Variants in DDX52 observed in about 807,000 individuals in gnomAD.
DDX52 encodes the protein DExD-box helicase 52.
DDX52 carries 59 observed loss-of-function variants against 76.1 expected under a neutral mutation model. The ratio of observed to expected loss-of-function variants is 0.78; its 90% CI spans 0.63 to 0.96. The LOEUF (loss-of-function observed/expected upper bound fraction) is 0.96, where lower values mean the gene tolerates loss of function less well. Ranked by LOEUF, DDX52 falls within the 40% of genes least tolerant of loss-of-function variation. DDX52 has a pLI of 0.00. For missense variants in DDX52, 707 were observed against 703.9 expected (o/e 1.00, Z -0.05); for synonymous variants, 231 against 244.1 (o/e 0.95, Z 0.50).
intron 4 of DDX52, chr17:37,631,084 AAGGACT>A (rs933475702): frequency 6.6e-6 from 1 of 152,280 alleles, no homozygotes; most frequent in Non-Finnish European, 1.5e-5. Context: ...AGAAAATGAA[AAGGACT>A]AGTATAGAGA....
intron 9 of DDX52, among the ~76,000 whole-genome samples, chr17:37,622,176 T>TC (rs2030133773): frequency 6.6e-6 from 1 of 151,876 alleles, no homozygotes; most frequent in Admixed American, 6.6e-5. Context: ...ATTTTTTTTT[T>TC]ACTACATCTG....
intron 14 of DDX52, among the ~76,000 whole-genome samples, chr17:37,617,967 T>C (rs925395950): frequency 2.6e-5 from 4 of 151,236 alleles, no homozygotes; most frequent in Non-Finnish European, 4.4e-5. Context: ...AAAAAAAAAA[T>C]AGCTGGGTGT....
intron 2 of DDX52, 62 bp downstream of exon 2, chr17:37,642,048 G>C (rs371853306): frequency 8.8e-6 from 14 of 1,594,436 alleles, no homozygotes; most frequent in Middle Eastern, 3.3e-4. Context: ...CCATAAGCCT[G>C]TATTATTTTT....
At chr17:37,624,459 TTTGTAAG>T (rs759323970) in intron 8 of DDX52, 25 bp from the exon 9 acceptor site, 141 of 1,529,826 alleles carry the variant, frequency 9.2e-5, no homozygotes, top group Middle Eastern at 5.3e-4. Context: ...TACCTTGTAG[TTTGTAAG>T]AGTTAATTTT....
In DDX52 at chr17:37,622,166, A is replaced by ATT. The variant is rs1018717168; in HGVS notation, c.1228-648_1228-647dup. The stretch of plus-strand genomic sequence containing the variant: ...TCTCTACTACTATCTCTAAGTAAAC[A>ATT]TTTTTTTTTTACTACATCTGATGTC... On this transcript the variant is annotated intron_variant, in intron 9 of 14. Transcript: ENST00000617633. 9.3e-3 allele frequency among the ~76,000 whole-genome samples: 1,396 copies of ATT among 150,568 alleles called. 14 individuals are homozygous for ATT. The highest frequency in any genetic ancestry group is 0.026 in the African/African-American group (1,084 of 41,218).
intron 2 of DDX52, among the ~76,000 whole-genome samples, chr17:37,639,273 A>G (rs1598770197): frequency 1.3e-5 from 2 of 152,338 alleles, no homozygotes; most frequent in African/African-American, 4.8e-5. Flanking sequence ...ATAAGGGTAC[A>G]ACGTACACGA....
At chr17:37,641,379 G>A (rs1470734443) in intron 2 of DDX52, among the ~76,000 whole-genome samples, 2 of 148,142 alleles carry the variant, frequency 1.4e-5, no homozygotes, top group African/African-American at 2.5e-5. Flanking sequence ...CACAGACTGG[G>A]CAACAAAGCG....
At chr17:37,639,318 C>T (rs2031077802) in intron 2 of DDX52, 2 of 847,022 alleles carry the variant, frequency 2.4e-6, no homozygotes, top group African/African-American at 3.7e-5. Flanking sequence ...AAGTCTCATA[C>T]CTTGCTGGAA....
intron 9 of DDX52, among the ~76,000 whole-genome samples, chr17:37,622,450 C>T (rs1160564245): frequency 6.6e-6 from 1 of 151,952 alleles, no homozygotes; most frequent in Non-Finnish European, 1.5e-5. Context: ...TGCACCACCA[C>T]GCCTGGCTAA....
chr17:37,626,361 C>G (rs562358504), intron 7 of DDX52, among the ~76,000 whole-genome samples: 94 of 151,470 alleles, frequency 6.2e-4, no homozygotes, highest in Non-Finnish European at 9.3e-4. Context: ...CATGGGGGCA[C>G]TCTCTCTCTC....
Position 37,616,804 on chromosome 17 carries a change from TATG to T in DDX52, c.1742+1485_1742+1487del, listed in dbSNP as rs144760225. Among the ~76,000 whole-genome samples the T allele has an allele frequency of 1.9e-3, 286 of 152,354 alleles. 1 individual carries two copies. Among genetic ancestry groups the T allele is most frequent in the East Asian group, 0.016 (82 of 5,190 alleles). Reference sequence around the variant, plus strand: ...CTTATCCTTCCCAAGTTATTAAAAGTATGATAAAATTTTGAGACACTATATATA... The same window carrying T: ...CTTATCCTTCCCAAGTTATTAAAAGTATAAAATTTTGAGACACTATATATA... On this transcript the variant is annotated intron_variant, in intron 14 of 14. Coordinates refer to ENST00000617633, the MANE Select transcript of DDX52 (RefSeq NM_007010.5).
rs754705510 is a variant in DDX52 at position 37,621,409 on chromosome 17, T to C, written c.1339A>G (p.Thr447Ala). 9 of 1,612,378 alleles carry C rather than the reference T, an allele frequency of 5.6e-6. No individual in the cohort carries two copies. The highest frequency in any genetic ancestry group is 8.5e-7 in the Non-Finnish European group (1 of 1,179,592). ...ATATTTGACTTTACCTGTTGTTGTG[T>C]TCTCTCTGCATGAATAACATCCACA... ...INVDVIHAERTQQQRDNTVHS... is the reference protein window; with the variant it reads ...INVDVIHAERAQQQRDNTVHS... The change falls in exon 10 of 15, where the codon ACA becomes GCA. Residue 447 changes from threonine (T) to alanine (A), a missense_variant. By Grantham distance (58) the Thr-to-Ala change is moderately conservative. Coordinates refer to ENST00000617633, the MANE Select transcript of DDX52 (RefSeq NM_007010.5).
In DDX52 at chr17:37,612,337, G is replaced by C. The variant is rs998809897; in HGVS notation, c.*1959C>G. ...GACAACCTGCCCGCCTAGGCCTCCCGAAGTGTTAGGATTACAGGCATGAGC... is the reference window on the plus strand; with the variant it reads ...GACAACCTGCCCGCCTAGGCCTCCCCAAGTGTTAGGATTACAGGCATGAGC... On this transcript the variant is annotated 3_prime_UTR_variant, in exon 15 of 15. Transcript: ENST00000617633. 1 of 152,036 alleles carries C rather than the reference G, an allele frequency of 6.6e-6. No homozygotes were observed. The highest frequency in any genetic ancestry group is 1.5e-5 in the Non-Finnish European group (1 of 68,014). The allele number at this position is 152,036 out of a possible 1,614,324, so 9.4% of individuals were successfully genotyped here. A position where few individuals can be genotyped will look rare whatever the true frequency, so the allele number is the denominator to read the frequency against.
rs10661586 is a variant in DDX52 at position 37,629,228 on chromosome 17, T to TACAC, written c.748-560_748-557dup. Among the ~76,000 whole-genome samples, 381 of 133,964 alleles carry TACAC rather than the reference T, an allele frequency of 2.8e-3. 2 individuals are homozygous for TACAC. Among genetic ancestry groups the TACAC allele is most frequent in the Non-Finnish European group, 3.7e-3 (231 of 62,874 alleles). 87.9% of individuals were successfully genotyped at this position (133,964 alleles called of 152,430 possible). A position where few individuals can be genotyped will look rare whatever the true frequency, so the allele number is the denominator to read the frequency against. Reference sequence around the variant, plus strand: ...AGAGCATGACTGTCCCAAGAAAAAATACACACACACACACACACACACACA... The same window carrying TACAC: ...AGAGCATGACTGTCCCAAGAAAAAATACACACACACACACACACACACACACACA... On this transcript the variant is annotated intron_variant, in intron 5 of 14. Transcript: ENST00000617633.
At position 37,618,347 on chromosome 17, in the gene DDX52, T is replaced by A. The variant is rs759056942; in HGVS notation, c.1687A>T (p.Arg563Trp). ...TTTGGAGTTGTACTAATGCTCTCCC[T>A]TTCCAATGGTTTCTTAATCATCTTT... ...KKKMIKKPLE[R>W]ESISTTPKCF... The change falls in exon 14 of 15, where the codon AGG becomes TGG. Residue 563 changes from arginine to tryptophan, a missense_variant. Coordinates refer to ENST00000617633, the MANE Select transcript of DDX52 (RefSeq NM_007010.5). 2.3e-5 allele frequency: 37 copies of A among 1,592,412 alleles called. 1 individual carries two copies. In the South Asian group the frequency reaches 4.0e-4, roughly 17 times the overall value.
Position 37,619,791 on chromosome 17 carries a change from T to G in DDX52, c.1626A>C (p.Ile542=), listed in dbSNP as rs1181835464. Residue 542 remains isoleucine (I), a synonymous_variant, in exon 13 of 15, where the codon ATA becomes ATC. Coordinates refer to ENST00000617633, the MANE Select transcript of DDX52 (RefSeq NM_007010.5). The stretch of plus-strand genomic sequence containing the variant: ...ACCTTAGTAGTTTCTGAAAACCTTT[T>G]ATGTATTCTGGTACAGGACACCCAG... ...QQAGCPVPEY[I]KGFQKLLSKQ... 6.2e-7 allele frequency: 1 copy of G among 1,613,914 alleles called. No individual in the cohort carries two copies. Among genetic ancestry groups the G allele is most frequent in the Admixed American group, 1.7e-5 (1 of 59,956 alleles).
Position 37,624,308 on chromosome 17 carries a change from A to G in DDX52, c.1227+36T>C, listed in dbSNP as rs377313616. ...CCACTAGTAATATAAGACTTGGCAA[A>G]CTTTACCAAAATTCAAGAAGGTAAT... On this transcript the variant is annotated intron_variant, in intron 9 of 14. Coordinates refer to ENST00000617633, the MANE Select transcript of DDX52 (RefSeq NM_007010.5). 5.1e-6 allele frequency: 8 copies of G among 1,568,348 alleles called. No individual in the cohort carries two copies. In the African/African-American group the frequency reaches 1.1e-4, roughly 21 times the overall value.
chr17:37,627,767 C>T (rs1176759040), intron 6 of DDX52, among the ~76,000 whole-genome samples: 3 of 151,064 alleles, frequency 2.0e-5, no homozygotes, highest in Non-Finnish European at 4.4e-5. Context: ...GGATGTAAGC[C>T]GTTCTTTTTG....
At chr17:37,620,105 T>A (rs763999394) in intron 12 of DDX52, 10 of 375,038 alleles carry the variant, frequency 2.7e-5, no homozygotes, top group Non-Finnish European at 4.3e-5. Context: ...GTAAACTCAA[T>A]CTTGGAGGAA....
Sources: allele counts gnomAD v4.1 joint callset (sites outside exome capture counted in the v4.1 genomes callset), GRCh38; gene constraint gnomAD v4.1.1; transcripts MANE v1.5; gene names NCBI Gene and HGNC (gene_info 2026-07-23, HGNC 2026-07-21).